Variants in ZNF420 observed in about 807,000 individuals in gnomAD.
ZNF420 encodes ATM and p53-associated KZNF protein.
ZNF420 carries 31 observed loss-of-function variants against 44.7 expected under a neutral mutation model. The ratio of observed to expected loss-of-function variants is 0.69; its 90% CI spans 0.52 to 0.94. The LOEUF (loss-of-function observed/expected upper bound fraction) is 0.94. Among genes scored for constraint, ZNF420 ranks in the 40% least tolerant of loss-of-function variants. ZNF420 has a pLI of 0.00. For missense variants in ZNF420, 681 were observed against 827.9 expected (o/e 0.82, Z 2.18); for synonymous variants, 245 against 267.4 (o/e 0.92, Z 0.82).
intron 2 of ZNF420, among the ~76,000 whole-genome samples, chr19:37,081,076 C>T (rs186173957): frequency 2.9e-3 from 411 of 144,018 alleles, no homozygotes; most frequent in Admixed American, 5.0e-3. Flanking sequence ...AAAAAAAAAG[C>T]GATTACTTTC....
chr19:37,014,033 G>A (rs529898926), intron 1 of ZNF420, among the ~76,000 whole-genome samples: 1 of 152,320 alleles, frequency 6.6e-6, no homozygotes, highest in East Asian at 1.9e-4. Flanking sequence ...ATCACACCTG[G>A]GAACCAGGAG....
At chr19:37,081,982 A>G (rs1049348521) in intron 2 of ZNF420, among the ~76,000 whole-genome samples, 8 of 151,900 alleles carry the variant, frequency 5.3e-5, no homozygotes, top group Admixed American at 1.3e-4. Context: ...CCAAACATCT[A>G]CTTTGCTTGA....
intron 4 of ZNF420, among the ~76,000 whole-genome samples, chr19:37,103,841 AG>A (rs758744999): frequency 2.0e-5 from 3 of 152,186 alleles, no homozygotes; most frequent in South Asian, 4.1e-4. Flanking sequence ...CTATCTTAAA[AG>A]GAAAAAAAAC....
intron 4 of ZNF420, among the ~76,000 whole-genome samples, chr19:37,101,994 C>T (rs1039385300): frequency 5.3e-5 from 8 of 152,252 alleles, no homozygotes; most frequent in Middle Eastern, 3.4e-3. Flanking sequence ...TCTATGACTG[C>T]AACAGGAGGG....
intron 1 of ZNF420, among the ~76,000 whole-genome samples, chr19:37,017,443 C>G (rs117877768): frequency 0.025 from 3,731 of 152,208 alleles, 84 homozygotes; most frequent in East Asian, 0.078. Flanking sequence ...TACATACAAT[C>G]CTTTTGTATA....
chr19:37,104,438 A>G (rs575801782), intron 4 of ZNF420, among the ~76,000 whole-genome samples: 4 of 152,290 alleles, frequency 2.6e-5, no homozygotes, highest in East Asian at 1.9e-4. Context: ...TAGTGCTGCA[A>G]TAAACATACG....
At chr19:37,031,798 G>A (rs1366142443) in intron 1 of ZNF420, among the ~76,000 whole-genome samples, 3 of 152,028 alleles carry the variant, frequency 2.0e-5, no homozygotes, top group Admixed American at 6.6e-5. Flanking sequence ...GATTTTGCCC[G>A]GTTTTTCTCT....
chr19:37,115,913 A>T (rs1970655004), intron 4 of ZNF420, among the ~76,000 whole-genome samples: 1 of 152,132 alleles, frequency 6.6e-6, no homozygotes, highest in Non-Finnish European at 1.5e-5. Flanking sequence ...GAGAATGGTG[A>T]TGACTTTTAA....
At chr19:37,008,094 C>CA in intron 1 of ZNF420, 1 of 271,994 alleles carries the variant, frequency 3.7e-6, no homozygotes, top group East Asian at 1.2e-4. Flanking sequence ...TGAGTCTCCC[C>CA]AAAAGTCGTG....
intron 1 of ZNF420, among the ~76,000 whole-genome samples, chr19:37,062,315 T>C (rs1370160320): frequency 3.3e-5 from 5 of 152,172 alleles, no homozygotes; most frequent in Admixed American, 3.3e-4. Context: ...AAAGACATTA[T>C]ATTTAAGAGG....
At chr19:37,031,399 T>C (rs1340972001) in intron 1 of ZNF420, among the ~76,000 whole-genome samples, 1 of 152,218 alleles carries the variant, frequency 6.6e-6, no homozygotes, top group African/African-American at 2.4e-5. Context: ...TAACTGATCC[T>C]AAAGTCTTCC....
intron 1 of ZNF420, among the ~76,000 whole-genome samples, chr19:37,021,244 C>G (rs1302062199): frequency 6.6e-6 from 1 of 152,128 alleles, no homozygotes; most frequent in Non-Finnish European, 1.5e-5. Flanking sequence ...AATGAGTGTG[C>G]TAATCTTGCA....
At chr19:37,088,495 GTTAT>G (rs1027270525) in intron 2 of ZNF420, among the ~76,000 whole-genome samples, 1 of 152,082 alleles carries the variant, frequency 6.6e-6, no homozygotes, top group Non-Finnish European at 1.5e-5. Flanking sequence ...TGCTAATTGT[GTTAT>G]TTGTCTTGCC....
At chr19:37,080,927 G>A (rs1343085060) in intron 2 of ZNF420, among the ~76,000 whole-genome samples, 1 of 151,726 alleles carries the variant, frequency 6.6e-6, no homozygotes, top group East Asian at 1.9e-4. Flanking sequence ...CGTGGTGGTG[G>A]ATGCACATAG....
rs534622765 is a variant in ZNF420 at position 37,081,061 on chromosome 19, A to C, written c.-81+673A>C. On this transcript the variant is annotated intron_variant, in intron 2 of 4. Coordinates refer to ENST00000337995, the MANE Select transcript of ZNF420 (RefSeq NM_144689.5). Reference sequence around the variant, plus strand: ...AACAGAGCGAGACTCTGTCTCAAAAAAAAAAAAAAAAAAGCGATTACTTTC... The same window carrying C: ...AACAGAGCGAGACTCTGTCTCAAAACAAAAAAAAAAAAAGCGATTACTTTC... Among the ~76,000 whole-genome samples the C allele has an allele frequency of 3.9e-4, 59 of 151,468 alleles. 2 individuals are homozygous for C. Among genetic ancestry groups the C allele is most frequent in the Non-Finnish European group, 3.5e-4 (24 of 67,800 alleles).
At chr19:37,099,600 A>G (rs1278868073) in intron 4 of ZNF420, among the ~76,000 whole-genome samples, 1 of 151,884 alleles carries the variant, frequency 6.6e-6, no homozygotes, top group Non-Finnish European at 1.5e-5. Flanking sequence ...GTTTGTGAAT[A>G]TTTTCTTCCA....
chr19:37,015,401 A>G (rs1265417508), intron 1 of ZNF420, among the ~76,000 whole-genome samples: 1 of 152,132 alleles, frequency 6.6e-6, no homozygotes, highest in Non-Finnish European at 1.5e-5. Context: ...CAACACACCC[A>G]AGAACAGACG....
intron 1 of ZNF420, among the ~76,000 whole-genome samples, chr19:37,029,183 C>G (rs922405772): frequency 6.6e-6 from 1 of 152,126 alleles, no homozygotes; most frequent in Non-Finnish European, 1.5e-5. Context: ...AAATATTTTG[C>G]TCATTAGCCA....
chr19:37,088,949 G>A, intron 2 of ZNF420, 90 bp from the exon 3 acceptor site: 5 of 646,944 alleles, frequency 7.7e-6, no homozygotes, highest in South Asian at 7.2e-5. Context: ...GGGAGAAACA[G>A]GAAGAAAAGA....
Sources: allele counts gnomAD v4.1 joint callset (sites outside exome capture counted in the v4.1 genomes callset), GRCh38; gene constraint gnomAD v4.1.1; transcripts MANE v1.5; gene names NCBI Gene and HGNC (gene_info 2026-07-23, HGNC 2026-07-21).